The following TMEM132D variants were observed in gnomAD, a reference collection of about 807,000 sequenced individuals.
The protein encoded by TMEM132D is mature OL transmembrane protein.
A neutral mutation model predicts 62.3 loss-of-function variants in TMEM132D; 21 were observed. That is an observed-to-expected ratio of 0.34 (90% CI 0.24 to 0.49). The LOEUF (loss-of-function observed/expected upper bound fraction) is 0.49. TMEM132D is among the 20% of genes least tolerant of loss of function. The pLI, the probability that TMEM132D is intolerant of heterozygous loss-of-function variation, is 0.99. For missense variants in TMEM132D, 1,346 were observed against 1,402.8 expected, an observed-to-expected ratio of 0.96 and a Z score of 0.65; for synonymous variants, 621 against 575.6, an observed-to-expected ratio of 1.08 and a Z score of -1.13.
intron 3 of TMEM132D, among the ~76,000 whole-genome samples, chr12:129,440,111 G>A (rs1332705313): frequency 2.6e-5 from 4 of 152,164 alleles, no homozygotes; most frequent in East Asian, 3.9e-4. Context: ...ATGAGCCTCC[G>A]TGATTCCAGC....
intron 5 of TMEM132D, among the ~76,000 whole-genome samples, chr12:129,199,061 A>G (rs905961458): frequency 1.3e-5 from 2 of 151,726 alleles, no homozygotes; most frequent in African/African-American, 2.4e-5. Context: ...GTATTAAAAC[A>G]TCACAATTTC....
chr12:129,242,382 C>T (rs539560836), intron 4 of TMEM132D, among the ~76,000 whole-genome samples: 13 of 152,302 alleles, frequency 8.5e-5, no homozygotes, highest in African/African-American at 2.9e-4. Flanking sequence ...TTTATGTCTA[C>T]GTAGACCTTT....
chr12:129,488,946 G>T (rs1234187124), intron 3 of TMEM132D, among the ~76,000 whole-genome samples: 1 of 152,166 alleles, frequency 6.6e-6, no homozygotes. Flanking sequence ...GCCTTGTTTT[G>T]TTCAGAGCAG....
intron 7 of TMEM132D, among the ~76,000 whole-genome samples, chr12:129,079,316 A>G (rs368607095): frequency 5.9e-5 from 9 of 152,122 alleles, no homozygotes; most frequent in African/African-American, 2.2e-4. Context: ...GTTGATGAGG[A>G]ATATCGTTGG....
intron 3 of TMEM132D, among the ~76,000 whole-genome samples, chr12:129,385,348 C>T (rs774888884): frequency 9.2e-5 from 14 of 151,942 alleles, no homozygotes; most frequent in East Asian, 1.9e-4. Flanking sequence ...CCAGGTGATC[C>T]GCCCACCTCG....
rs537604692 is a variant in TMEM132D, at chr12:129,464,602, T to C, written c.1115+66457A>G. Among the ~76,000 whole-genome samples the C allele has an allele frequency of 7.9e-5, 12 of 152,368 alleles. No homozygotes were observed. The South Asian group carries it at 1.4e-3, about 18-fold the overall frequency. ...TTTTCTTCTAGGGTTTTTATGGTTT[T>C]AGGTTTAACATTTAAATCTTTAATC... On this transcript the variant is annotated intron_variant, in intron 3 of 8. Transcript: ENST00000422113.
At chr12:129,418,560 G>C (rs1872198198) in intron 3 of TMEM132D, among the ~76,000 whole-genome samples, 1 of 152,024 alleles carries the variant, frequency 6.6e-6, no homozygotes, top group African/African-American at 2.4e-5. Context: ...GGGCCTGTTG[G>C]TGGGTGGGGG....
At chr12:129,661,174 C>CG (rs1880228501) in intron 2 of TMEM132D, among the ~76,000 whole-genome samples, 1 of 152,034 alleles carries the variant, frequency 6.6e-6, no homozygotes, top group East Asian at 1.9e-4. Flanking sequence ...CCTGGGCTAA[C>CG]GGGACCTCCC....
rs1869789035 is a variant in TMEM132D at position 129,349,226 on chromosome 12, G to C, written c.1116-11409C>G. On this transcript the variant is annotated intron_variant, in intron 3 of 8. Coordinates refer to ENST00000422113, the MANE Select transcript of TMEM132D (RefSeq NM_133448.3). ...CCAGGCTTTGTTGCTAGATGCTCCG[G>C]ATATAACACTTGAAGTATGCCAGAC... Among the ~76,000 whole-genome samples the C allele has an allele frequency of 2.6e-5, 4 of 152,242 alleles. No individual in the cohort carries two copies. In the South Asian group the frequency reaches 8.3e-4, roughly 32 times the overall value.
At chr12:129,810,426 C>T (rs773950769) in intron 1 of TMEM132D, among the ~76,000 whole-genome samples, 6 of 151,778 alleles carry the variant, frequency 4.0e-5, no homozygotes, top group South Asian at 2.1e-4. Flanking sequence ...AAATGAGGGA[C>T]GGCTACATTG....
At chr12:129,458,569 A>C (rs1566075501) in intron 3 of TMEM132D, among the ~76,000 whole-genome samples, 1 of 152,186 alleles carries the variant, frequency 6.6e-6, no homozygotes, top group Non-Finnish European at 1.5e-5. Context: ...GACTGTGGGC[A>C]TCACACAGAG....
intron 4 of TMEM132D, among the ~76,000 whole-genome samples, chr12:129,302,023 C>G (rs989370317): frequency 2.0e-5 from 3 of 152,252 alleles, no homozygotes; most frequent in Admixed American, 2.0e-4. Flanking sequence ...ACATAAACTA[C>G]AGCTACTGTG....
intron 3 of TMEM132D, among the ~76,000 whole-genome samples, chr12:129,397,069 G>T (rs749750275): frequency 6.6e-6 from 1 of 152,028 alleles, no homozygotes; most frequent in Admixed American, 6.6e-5. Context: ...CCTAAGTCCC[G>T]AGCAGAAAAA....
At chr12:129,117,966 C>T (rs998715563) in intron 5 of TMEM132D, among the ~76,000 whole-genome samples, 1 of 152,214 alleles carries the variant, frequency 6.6e-6, no homozygotes, top group African/African-American at 2.4e-5. Flanking sequence ...ACGTCAGCCC[C>T]TCCTTTCCTG....
chr12:129,426,915 T>C (rs1197370480), intron 3 of TMEM132D, among the ~76,000 whole-genome samples: 1 of 152,180 alleles, frequency 6.6e-6, no homozygotes, highest in East Asian at 1.9e-4. Flanking sequence ...TGGCCTCTCA[T>C]AGGTGGAATG....
intron 4 of TMEM132D, among the ~76,000 whole-genome samples, chr12:129,270,354 A>C (rs559622312): frequency 1.3e-5 from 2 of 152,316 alleles, no homozygotes; most frequent in East Asian, 3.9e-4. Context: ...CTTGAGTTTA[A>C]ATTCTCAGAC....
Position 129,737,636 on chromosome 12 carries a change from C to T in TMEM132D, c.80-36938G>A, listed in dbSNP as rs141211940. Among the ~76,000 whole-genome samples, 873 of 152,290 alleles carry T rather than the reference C, an allele frequency of 5.7e-3. 7 individuals are homozygous for T. Among genetic ancestry groups the T allele is most frequent in the Middle Eastern group, 0.02 (6 of 294 alleles). ...CTGATGTTGTCCTTTTCATTTTGCA[C>T]CTGCCTGATTCACTCATGTACAGAC... is the stretch of plus-strand genomic sequence containing the variant. On this transcript the variant is annotated intron_variant, in intron 1 of 8. Transcript: ENST00000422113.
intron 5 of TMEM132D, among the ~76,000 whole-genome samples, chr12:129,142,283 C>T (rs1465913992): frequency 6.6e-6 from 1 of 152,122 alleles, no homozygotes; most frequent in Admixed American, 6.5e-5. Flanking sequence ...TGTATGTCTT[C>T]TAACTCAGCT....
intron 3 of TMEM132D, among the ~76,000 whole-genome samples, chr12:129,345,318 G>C (rs569625172): frequency 1.3e-5 from 2 of 152,130 alleles, no homozygotes; most frequent in African/African-American, 2.4e-5. Context: ...AGTGGAACTC[G>C]GCCAGTGGCA....
Sources: allele counts gnomAD v4.1 joint callset (sites outside exome capture counted in the v4.1 genomes callset), GRCh38; gene constraint gnomAD v4.1.1; transcripts MANE v1.5; gene names NCBI Gene and HGNC (gene_info 2026-07-23, HGNC 2026-07-21).